Variants in FSIP2 observed in about 807,000 individuals in gnomAD.
The protein encoded by FSIP2 is fibrous sheath-interacting protein 2.
FSIP2 carries 367 observed loss-of-function variants against 510.5 expected under a neutral mutation model. That is an observed-to-expected ratio of 0.72 (90% CI 0.66 to 0.78). FSIP2 has a LOEUF of 0.78. Among genes scored for constraint, FSIP2 ranks in the 30% least tolerant of loss-of-function variants. The pLI, the probability that FSIP2 is intolerant of heterozygous loss-of-function variation, is 0.00. For synonymous variants in FSIP2, 2,601 were observed against 2,732.2 expected (o/e 0.95, Z 1.50); for missense variants, 7,594 against 7,901.7 (o/e 0.96, Z 1.48).
chr2:185,740,067 A>G (rs997222483), intron 2 of FSIP2, among the ~76,000 whole-genome samples: 3 of 152,130 alleles, frequency 2.0e-5, no homozygotes, highest in East Asian at 1.9e-4. Flanking sequence ...ATTGTCTCCA[A>G]CCAGAGAGGC....
chr2:185,826,863 T>C (rs529403599), intron 20 of FSIP2, among the ~76,000 whole-genome samples: 3 of 151,884 alleles, frequency 2.0e-5, no homozygotes, highest in South Asian at 4.1e-4. Flanking sequence ...ACGTAAGCAA[T>C]TGGATATTTA....
chr2:185,813,015 T>C (rs1429613148), intron 17 of FSIP2, among the ~76,000 whole-genome samples: 1 of 152,058 alleles, frequency 6.6e-6, no homozygotes, highest in Non-Finnish European at 1.5e-5. Context: ...GACATGAAGA[T>C]TTATATTTTG....
At chr2:185,788,495 C>T (rs1352880512) in intron 15 of FSIP2, 148 bp from the exon 16 acceptor site, 3 of 512,152 alleles carry the variant, frequency 5.9e-6, no homozygotes, top group Non-Finnish European at 3.3e-6. Flanking sequence ...AATTTCTAAA[C>T]TGATATTTCT....
At position 185,791,140 on chromosome 2, in the gene FSIP2, C is replaced by G; in HGVS notation, c.4004C>G (p.Ala1335Gly). 6.5e-7 allele frequency: 1 copy of G among 1,532,620 alleles called. No homozygotes were observed. The highest frequency in any genetic ancestry group is 8.7e-7 in the Non-Finnish European group (1 of 1,144,668). The allele number at this position is 1,532,620 out of a possible 1,614,324, so 94.9% of individuals were successfully genotyped here. A position where few individuals can be genotyped will look rare whatever the true frequency, so the allele number is the denominator to read the frequency against. The change falls in exon 16 of 23, where the codon GCT becomes GGT. Residue 1335 changes from alanine to glycine, a missense_variant. Transcript: ENST00000424728. Reference sequence around the variant, plus strand: ...TCCCTTACAGATAAAGGATTTTTTGCTAATACTGATAAAAAATTAGAATCT... The same window carrying G: ...TCCCTTACAGATAAAGGATTTTTTGGTAATACTGATAAAAAATTAGAATCT... ...TKSLTDKGFF[A>G]NTDKKLESLV...
intron 4 of FSIP2, 51 bp from the exon 5 acceptor site, chr2:185,745,378 G>A (rs1692006940): frequency 2.8e-6 from 3 of 1,081,946 alleles, no homozygotes; most frequent in South Asian, 2.1e-5. Context: ...TTTTATTTCT[G>A]GGAAATGTAA....
Position 185,805,700 on chromosome 2 carries a change from A to G in FSIP2, c.16394A>G (p.Asn5465Ser). 1 of 1,610,182 alleles carries G rather than the reference A, an allele frequency of 6.2e-7. No individual in the cohort carries two copies. Residue 5465 changes from asparagine (N) to serine (S), a missense_variant, in exon 17 of 23, where the codon AAT becomes AGT. Asn to Ser is a conservative substitution (Grantham distance 46). Transcript: ENST00000424728. ...AACATGATGAGCACTTTGGAAATAA[A>G]TAGAGGTACAATGAATAGAAAGAAA... ...CKNMMSTLEI[N>S]RGTMNRKKSF...
In FSIP2 at chr2:185,791,948, G is replaced by A; in HGVS notation, c.4812G>A (p.Leu1604=). ...EGFANGHLEI[L]GAINDGNKKS... is the part of the protein sequence containing the mutation. ...TTGCCAACGGACATTTAGAAATTTT[G>A]GGTGCTATTAATGATGGAAATAAGA... The change falls in exon 16 of 23, where the codon TTG becomes TTA. Residue 1604 remains leucine (L), a synonymous_variant. Coordinates refer to ENST00000424728, the MANE Select transcript of FSIP2 (RefSeq NM_173651.4). 1 of 1,533,700 alleles carries A rather than the reference G, an allele frequency of 6.5e-7. No individual in the cohort carries two copies. The highest frequency in any genetic ancestry group is 8.7e-7 in the Non-Finnish European group (1 of 1,145,216).
Position 185,796,943 on chromosome 2 carries a change from C to A in FSIP2, c.9807C>A (p.Phe3269Leu). 4 of 1,534,902 alleles carry A rather than the reference C, an allele frequency of 2.6e-6. No individual in the cohort carries two copies. The highest frequency in any genetic ancestry group is 3.5e-6 in the Non-Finnish European group (4 of 1,146,216). The change falls in exon 16 of 23, where the codon TTC becomes TTA. Residue 3269 changes from phenylalanine (F) to leucine (L), a missense_variant. By Grantham distance (22) the Phe-to-Leu change is conservative. Transcript: ENST00000424728. ...KGNSYLPEGS[F>L]LQKLLRKASD... Reference sequence around the variant, plus strand: ...ATAGCTACCTCCCTGAAGGCAGTTTCTTACAAAAGCTGCTTAGGAAAGCAA... The same window carrying A: ...ATAGCTACCTCCCTGAAGGCAGTTTATTACAAAAGCTGCTTAGGAAAGCAA...
Position 185,801,400 on chromosome 2 carries a change from A to T in FSIP2, c.12094A>T (p.Arg4032Trp), listed in dbSNP as rs1460086666. Residue 4032 changes from arginine (R) to tryptophan (W), a missense_variant, in exon 17 of 23, where the codon AGG (arginine) becomes TGG (tryptophan). Physicochemically the swap from Arg to Trp is moderately radical, Grantham distance 101 (BLOSUM62 -3). Coordinates refer to ENST00000424728, the MANE Select transcript of FSIP2 (RefSeq NM_173651.4). ...QVTVLRNAEE[R>W]LCFPPVHTET... ...CACTGTTCTACGGAATGCTGAAGAAAGGCTGTGTTTTCCACCAGTTCATAC... is the reference window on the plus strand; with the variant it reads ...CACTGTTCTACGGAATGCTGAAGAATGGCTGTGTTTTCCACCAGTTCATAC... 3 of 1,534,074 alleles carry T rather than the reference A, an allele frequency of 2.0e-6. No homozygotes were observed. Among genetic ancestry groups the T allele is most frequent in the Non-Finnish European group, 2.6e-6 (3 of 1,145,628 alleles).
chr2:185,787,955 T>G (rs565929096), intron 15 of FSIP2: 1 of 151,716 alleles, frequency 6.6e-6, no homozygotes, highest in African/African-American at 2.4e-5. Flanking sequence ...TATTTTATTT[T>G]TATTTTATTT....
Position 185,744,369 on chromosome 2 carries a change from C to A in FSIP2, c.435C>A (p.Thr145=). The change falls in exon 4 of 23, where the codon ACC becomes ACA. Residue 145 remains threonine, a synonymous_variant. Coordinates refer to ENST00000424728, the MANE Select transcript of FSIP2 (RefSeq NM_173651.4). ...TGAATAAGTACAGGCAATATCTTACCAGTTTAAAATTAGACTTTGAGAGAA... is the reference window on the plus strand; with the variant it reads ...TGAATAAGTACAGGCAATATCTTACAAGTTTAAAATTAGACTTTGAGAGAA... The part of the protein sequence containing the change: ...RELNKYRQYL[T]SLKLDFERNY... 1 of 1,262,290 alleles carries A rather than the reference C, an allele frequency of 7.9e-7. No individual in the cohort carries two copies. The highest frequency in any genetic ancestry group is 1.0e-6 in the Non-Finnish European group (1 of 962,740). 78.2% of individuals were successfully genotyped at this position (1,262,290 alleles called of 1,614,324 possible). A position where few individuals can be genotyped will look rare whatever the true frequency, so the allele number is the denominator to read the frequency against.
intron 21 of FSIP2, among the ~76,000 whole-genome samples, chr2:185,830,323 T>C (rs539665821): frequency 1.3e-5 from 2 of 152,056 alleles, no homozygotes; most frequent in East Asian, 3.9e-4. Flanking sequence ...TTTGACATTT[T>C]TAGATAAAAA....
chr2:185,780,738 TA>T (rs1162353022), intron 13 of FSIP2, among the ~76,000 whole-genome samples: 1 of 152,120 alleles, frequency 6.6e-6, no homozygotes, highest in Non-Finnish European at 1.5e-5. Context: ...GGGAGGTTGT[TA>T]CTGTTATATG....
chr2:185,821,933 A>C lies in FSIP2; in HGVS notation c.20427-2501A>C, dbSNP rs934451111. Among the ~76,000 whole-genome samples the C allele has an allele frequency of 1.7e-3, 260 of 151,990 alleles. 1 individual carries two copies. The highest frequency in any genetic ancestry group is 6.1e-3 in the African/African-American group (251 of 41,478). The stretch of plus-strand genomic sequence containing the variant: ...AGAATGAGACCCTATCTCAAAAAAA[A>C]AAAAAAAAAATCGATGTAATACATC... On this transcript the variant is annotated intron_variant, in intron 19 of 22. Coordinates refer to ENST00000424728, the MANE Select transcript of FSIP2 (RefSeq NM_173651.4).
At chr2:185,748,953 C>T (rs1251676248) in intron 7 of FSIP2, among the ~76,000 whole-genome samples, 1 of 151,948 alleles carries the variant, frequency 6.6e-6, no homozygotes, top group Non-Finnish European at 1.5e-5. Context: ...TATGTCTTAT[C>T]ATAGTTTAGA....
chr2:185,826,855 G>T (rs1032194210), intron 20 of FSIP2, among the ~76,000 whole-genome samples: 1 of 151,728 alleles, frequency 6.6e-6, no homozygotes, highest in African/African-American at 2.4e-5. Context: ...GAGATGTCAC[G>T]TAAGCAATTG....
chr2:185,788,343 CA>C lies in FSIP2; in HGVS notation c.1507-290del, dbSNP rs538040753. The C allele has an allele frequency of 2.7e-3, 467 of 174,346 alleles. 1 individual carries two copies. The highest frequency in any genetic ancestry group is 4.4e-3 in the Middle Eastern group (2 of 456). The allele number at this position is 174,346 out of a possible 1,614,324, so 10.8% of individuals were successfully genotyped here. A position where few individuals can be genotyped will look rare whatever the true frequency, so the allele number is the denominator to read the frequency against. ...GACAGCAATTTAGTGATATTTTTAA[CA>C]AAAAAAAAATCATTTATACTGATAA... On this transcript the variant is annotated intron_variant, in intron 15 of 22. Coordinates refer to ENST00000424728, the MANE Select transcript of FSIP2 (RefSeq NM_173651.4).
intron 15 of FSIP2, among the ~76,000 whole-genome samples, chr2:185,786,983 G>A (rs1183162795): frequency 1.3e-5 from 2 of 151,668 alleles, no homozygotes; most frequent in East Asian, 1.9e-4. Context: ...CAAAGAAAAC[G>A]TTAGAAATAT....
intron 19 of FSIP2, among the ~76,000 whole-genome samples, chr2:185,819,812 T>C (rs1245173767): frequency 1.4e-5 from 2 of 146,290 alleles, no homozygotes; most frequent in East Asian, 4.0e-4. Flanking sequence ...GTTTGGTAGG[T>C]TAGATGTGTT....
Sources: gnomAD v4.1 joint callset for allele counts (sites outside exome capture counted in the v4.1 genomes callset) on GRCh38, gnomAD v4.1.1 for gene constraint, MANE v1.5 for transcripts, NCBI Gene and HGNC (gene_info 2026-07-23, HGNC 2026-07-21) for gene names.